TJAP1: variants seen among roughly 807,000 people sequenced by gnomAD.
TJAP1 encodes the protein tight junction associated protein 1, also known as tight junction-associated protein 1.
A neutral mutation model predicts 42.0 loss-of-function variants in TJAP1; 27 were observed. That is an observed-to-expected ratio of 0.64 (90% confidence interval 0.47 to 0.89). TJAP1 has a LOEUF of 0.89. Among genes scored for constraint, TJAP1 ranks in the 40% least tolerant of loss-of-function variants. The pLI is 0.00. For synonymous variants in TJAP1, 257 were observed against 288.4 expected (o/e 0.89, Z 1.10); for missense variants, 712 against 726.9 (o/e 0.98, Z 0.24).
chr6:43,494,212 C>T (rs1788503511), intron 2 of TJAP1, among the ~76,000 whole-genome samples: 1 of 152,208 alleles, frequency 6.6e-6, no homozygotes. Context: ...GCTATCACCC[C>T]TCTCTCCACC....
Position 43,491,093 on chromosome 6 carries a change from T to C in TJAP1, c.-121-6788T>C, listed in dbSNP as rs1377183644. 6.6e-6 allele frequency among the ~76,000 whole-genome samples: 1 copy of C among 152,180 alleles called. No homozygotes were observed. Among genetic ancestry groups the C allele is most frequent in the African/African-American group, 2.4e-5 (1 of 41,434 alleles). Reference sequence around the variant, plus strand: ...AACAGAAGGCTGCCTAAGTGGATTCTGTTCCCCTTGGGCTGGGTGAGAGAA... The same window carrying C: ...AACAGAAGGCTGCCTAAGTGGATTCCGTTCCCCTTGGGCTGGGTGAGAGAA... On this transcript the variant is annotated intron_variant, in intron 2 of 10. Coordinates refer to ENST00000372449, the Ensembl canonical transcript of TJAP1. The surrounding 1 kb of genome is among the most constrained non-coding windows in gnomAD (Gnocchi z 4.6).
chr6:43,505,339 C>T lies in TJAP1; in HGVS notation c.1158C>T (p.Pro386=). 1 of 1,609,114 alleles carries T rather than the reference C, an allele frequency of 6.2e-7. No individual in the cohort carries two copies. The highest frequency in any genetic ancestry group is 8.5e-7 in the Non-Finnish European group (1 of 1,179,468). Residue 386 remains proline (P), a synonymous_variant, in exon 11 of 11, where the codon CCC becomes CCT. Transcript: ENST00000372449. The surrounding 1 kb of genome is among the most constrained non-coding windows in gnomAD (Gnocchi z 5.5). ...CCCCTGCCTCAGCCCAGGCCTCACC[C>T]CACCACCAGCCCAGCCCAGCACCCC...
At chr6:43,485,253 G>A (rs1786202294) in intron 2 of TJAP1, among the ~76,000 whole-genome samples, 1 of 152,214 alleles carries the variant, frequency 6.6e-6, no homozygotes, top group African/African-American at 2.4e-5. Flanking sequence ...CAGGCATTGA[G>A]GAAGCCAGAC....
At chr6:43,503,995 G>C (rs1253208637) in intron 10 of TJAP1, 4 of 626,990 alleles carry the variant, frequency 6.4e-6, no homozygotes, top group Non-Finnish European at 9.2e-6. Flanking sequence ...TCTGCCCAAA[G>C]AGTACTAAGA....
chr6:43,503,817 T>C, intron 10 of TJAP1, 111 bp downstream of exon 10: 1 of 923,592 alleles, frequency 1.1e-6, no homozygotes, highest in Admixed American at 2.0e-5. Context: ...CACTTTGCCC[T>C]CCTCTTGCCT....
At chr6:43,483,378 A>G (rs935556414) in intron 2 of TJAP1, among the ~76,000 whole-genome samples, 1 of 152,174 alleles carries the variant, frequency 6.6e-6, no homozygotes. Context: ...CACTCAGTCC[A>G]TAATGCTCAC....
chr6:43,501,464 T>C lies in TJAP1; in HGVS notation c.129-62T>C, dbSNP rs888163066. ...TTCCTTCCTGAGCCCACTCTGGAGC[T>C]CCAGGGCATGCCCTTCTATCTCTCA... On this transcript the variant is annotated intron_variant, in intron 5 of 10. Transcript: ENST00000372449. 5 of 1,496,342 alleles carry C rather than the reference T, an allele frequency of 3.3e-6. No individual in the cohort carries two copies. In the African/African-American group the frequency reaches 7.0e-5, roughly 21 times the overall value. 92.7% of individuals were successfully genotyped at this position (1,496,342 alleles called of 1,614,324 possible). A position where few individuals can be genotyped will look rare whatever the true frequency, so the allele number is the denominator to read the frequency against.
At chr6:43,497,249 C>T (rs1789412924) in intron 2 of TJAP1, 1 of 152,108 alleles carries the variant, frequency 6.6e-6, no homozygotes, top group Non-Finnish European at 1.5e-5. Flanking sequence ...GCCAGACGTC[C>T]CTGGGGAAGG....
In TJAP1 at chr6:43,505,711, A is replaced by G. The variant is rs1187694341; in HGVS notation, c.1530A>G (p.Pro510=). 2 of 1,584,908 alleles carry G rather than the reference A, an allele frequency of 1.3e-6. No homozygotes were observed. The highest frequency in any genetic ancestry group is 2.7e-5 in the African/African-American group (2 of 74,102). ...TTAACAGGGGCACAGAGGAGGGGCC[A>G]GGCACTTCCCACACCGAGGGCAGGG... Residue 510 remains proline, a synonymous_variant, in exon 11 of 11, where the codon CCA becomes CCG. Coordinates refer to ENST00000372449, the Ensembl canonical transcript of TJAP1. The surrounding 1 kb of genome is among the most constrained non-coding windows in gnomAD (Gnocchi z 5.5).
At chr6:43,480,249 G>C (rs1785027997) in intron 2 of TJAP1, among the ~76,000 whole-genome samples, 1 of 152,164 alleles carries the variant, frequency 6.6e-6, no homozygotes, top group Non-Finnish European at 1.5e-5. Flanking sequence ...TATATAGATA[G>C]CATCTGCATT....
chr6:43,479,095 A>G (rs915681014), intron 2 of TJAP1, among the ~76,000 whole-genome samples: 1 of 152,232 alleles, frequency 6.6e-6, no homozygotes, highest in African/African-American at 2.4e-5. Flanking sequence ...TTGGAGAGAA[A>G]GGAAAGGGAC....
intron 2 of TJAP1, 114 bp downstream of exon 2, chr6:43,478,346 A>C (rs963423953): frequency 1.3e-5 from 2 of 152,204 alleles, no homozygotes; most frequent in African/African-American, 4.8e-5. Flanking sequence ...ACTTTTATAG[A>C]GTTTGTCCTT....
intron 2 of TJAP1, among the ~76,000 whole-genome samples, chr6:43,480,574 A>G (rs1256019445): frequency 6.6e-6 from 1 of 151,928 alleles, no homozygotes; most frequent in African/African-American, 2.4e-5. Context: ...GCCGGAGTGC[A>G]ATGGTGCTCT....
chr6:43,482,098 G>T (rs768916675), intron 2 of TJAP1, among the ~76,000 whole-genome samples: 2 of 152,176 alleles, frequency 1.3e-5, no homozygotes, highest in Non-Finnish European at 2.9e-5. Context: ...TATATCTTAG[G>T]ATAGTGTATT....
rs144067729 is a variant in TJAP1, at chr6:43,479,635, T to G, written c.-122+1403T>G. On this transcript the variant is annotated intron_variant, in intron 2 of 10. Transcript: ENST00000372449. ...TGGCACCTGTGAATACCCATTGTAC[T>G]CCAGCCTGGGCAGCGTAGGAGATGC... Among the ~76,000 whole-genome samples, 3 of 152,210 alleles carry G rather than the reference T, an allele frequency of 2.0e-5. No homozygotes were observed. In the East Asian group the frequency reaches 5.8e-4, roughly 29 times the overall value.
chr6:43,501,919 ACACACACACTCTCTCT>A (rs1167453726), intron 6 of TJAP1, among the ~76,000 whole-genome samples: 4 of 122,146 alleles, frequency 3.3e-5, no homozygotes, highest in African/African-American at 6.8e-5. Flanking sequence ...ACACACACAC[ACACACACACTCTCTCT>A]CTCTCTCTCT....
intron 2 of TJAP1, among the ~76,000 whole-genome samples, chr6:43,493,210 G>A (rs192791777): frequency 1.1e-4 from 16 of 152,256 alleles, no homozygotes; most frequent in African/African-American, 3.6e-4. Flanking sequence ...GTAATGTGTG[G>A]GCCCTTCCTG....
At chr6:43,504,237 C>T (rs1791705536) in intron 10 of TJAP1, 1 of 228,452 alleles carries the variant, frequency 4.4e-6, no homozygotes, top group Non-Finnish European at 8.8e-6. Flanking sequence ...GCTTCAGCCT[C>T]CCAAGTAGCT....
chr6:43,504,043 TA>T, intron 10 of TJAP1: 1 of 490,726 alleles, frequency 2.0e-6, no homozygotes, highest in Non-Finnish European at 4.0e-6. Flanking sequence ...CCCCAAGGGG[TA>T]AACTCTAGAC....
Sources: allele counts gnomAD v4.1 joint callset (sites outside exome capture counted in the v4.1 genomes callset), GRCh38; gene constraint gnomAD v4.1.1; non-coding constraint Gnocchi (gnomAD v3.1); transcripts MANE v1.5; gene names NCBI Gene and HGNC (gene_info 2026-07-23, HGNC 2026-07-21).